The following PCNT variants were observed in gnomAD, a reference collection of about 807,000 sequenced individuals.
PCNT encodes pericentrin, also known as kendrin.
In PCNT, 319 loss-of-function variants were observed where a neutral mutation model predicts 380.4. The observed-to-expected ratio is 0.84, with a 90% confidence interval of 0.77 to 0.92. PCNT has a LOEUF of 0.92. Ranked by LOEUF, PCNT falls within the 40% of genes least tolerant of loss-of-function variation. The pLI, the probability that PCNT is intolerant of heterozygous loss-of-function variation, is 0.00. For missense variants in PCNT, 4,400 were observed against 4,255.3 expected (o/e 1.03, Z -0.95); for synonymous variants, 1,845 against 1,735.2 (o/e 1.06, Z -1.57).
At position 46,324,195 on chromosome 21, in the gene PCNT, CACCGCCGGG is replaced by C; in HGVS notation, c.-33_-25del. The C allele has an allele frequency of 1.3e-6, 2 of 1,593,142 alleles. No homozygotes were observed. The highest frequency in any genetic ancestry group is 1.7e-6 in the Non-Finnish European group (2 of 1,166,636). On this transcript the variant is annotated 5_prime_UTR_variant, in exon 1 of 47. Coordinates refer to ENST00000359568, the MANE Select transcript of PCNT (RefSeq NM_006031.6). ...GAAGGCTGCTCTGTGTCAGCCCCGT[CACCGCCGGG>C]CGGCCCGCGCGGAGTCTGAGGGAGA...
At chr21:46,403,490 G>A (rs2086508265) in intron 27 of PCNT, among the ~76,000 whole-genome samples, 1 of 130,940 alleles carries the variant, frequency 7.6e-6, no homozygotes. Flanking sequence ...AACACAGCGT[G>A]GGAGAATTGT....
At chr21:46,331,739 C>A (rs922477114) in intron 2 of PCNT, among the ~76,000 whole-genome samples, 13 of 151,892 alleles carry the variant, frequency 8.6e-5, no homozygotes, top group African/African-American at 3.1e-4. Flanking sequence ...GCACGCCAGC[C>A]TGGGCGGCAG....
In PCNT at chr21:46,385,190, A is replaced by G. The variant is rs2085788042; in HGVS notation, c.3313-642A>G. Among the ~76,000 whole-genome samples, 4 of 152,038 alleles carry G rather than the reference A, an allele frequency of 2.6e-5. No homozygotes were observed. The South Asian group carries it at 6.2e-4, about 24-fold the overall frequency. ...GGCAACATAGGGAGACCCTGTCTCT[A>G]TAAAAAATTAAAAAAATTAGCCGTG... On this transcript the variant is annotated intron_variant, in intron 16 of 46. Transcript: ENST00000359568.
intron 12 of PCNT, 45 bp downstream of exon 12, chr21:46,355,671 T>C: frequency 6.2e-7 from 1 of 1,602,718 alleles, no homozygotes; most frequent in Non-Finnish European, 8.5e-7. Context: ...GTCCCGGGTC[T>C]GGGGGACGTT....
chr21:46,397,443 G>A lies in PCNT; in HGVS notation c.4395G>A (p.Gln1465=), dbSNP rs112911892. 7.4e-5 allele frequency: 119 copies of A among 1,614,214 alleles called. 1 individual carries two copies. The African/African-American group carries it at 1.1e-3, about 15-fold the overall frequency. Residue 1465 remains glutamine, a synonymous_variant, in exon 22 of 47, where the codon CAG becomes CAA. Transcript: ENST00000359568. ...KQAEAVTALE[Q]QVASLDKHLR... ...CGGAGGCCGTCACTGCCCTGGAACAGCAGGTGGCATCTCTGGACAAGCATT... is the reference window on the plus strand; with the variant it reads ...CGGAGGCCGTCACTGCCCTGGAACAACAGGTGGCATCTCTGGACAAGCATT...
intron 15 of PCNT, among the ~76,000 whole-genome samples, chr21:46,378,517 C>T (rs571326763): frequency 2.0e-5 from 3 of 152,130 alleles, no homozygotes; most frequent in East Asian, 1.9e-4. Flanking sequence ...GTGCTTGCCA[C>T]GTGGATAACG....
intron 15 of PCNT, among the ~76,000 whole-genome samples, chr21:46,378,072 A>C (rs1245728991): frequency 6.6e-6 from 1 of 151,988 alleles, no homozygotes; most frequent in Non-Finnish European, 1.5e-5. Context: ...TGCATATCTT[A>C]TGCCCTTTTT....
intron 24 of PCNT, among the ~76,000 whole-genome samples, chr21:46,398,968 C>T (rs920078497): frequency 1.6e-4 from 24 of 151,676 alleles, no homozygotes; most frequent in Non-Finnish European, 3.1e-4. Context: ...TACAGGTGCC[C>T]GCCACCACAC....
At chr21:46,402,191 C>T (rs1005144584) in intron 26 of PCNT, 140 bp from the exon 27 acceptor site, 16 of 591,676 alleles carry the variant, frequency 2.7e-5, no homozygotes, top group East Asian at 1.6e-4. Context: ...CATTTGTGTG[C>T]GGGTACAGGT....
At chr21:46,440,031 G>T (rs1185333347) in intron 41 of PCNT, 52 bp from the exon 42 acceptor site, 19 of 1,612,206 alleles carry the variant, frequency 1.2e-5, no homozygotes, top group Admixed American at 1.7e-5. Context: ...TCTCTAAGAT[G>T]CTCTTGTTGA....
At chr21:46,326,301 G>T in intron 1 of PCNT, 76 bp from the exon 2 acceptor site, 1 of 1,410,268 alleles carries the variant, frequency 7.1e-7, no homozygotes, top group Non-Finnish European at 9.9e-7. Flanking sequence ...GTCCCCACCA[G>T]TCTGTTGACT....
chr21:46,442,898 C>G, intron 44 of PCNT: 1 of 386,862 alleles, frequency 2.6e-6, no homozygotes. Flanking sequence ...CTTCACGTCT[C>G]TTTCCTTGTA....
intron 12 of PCNT, among the ~76,000 whole-genome samples, 173 bp from the exon 13 acceptor site, chr21:46,356,801 G>C (rs989175527): frequency 2.0e-5 from 3 of 152,252 alleles, no homozygotes; most frequent in Non-Finnish European, 2.9e-5. Context: ...GAAAGGGAGG[G>C]GAGACTTGAG....
rs545183817 is a variant in PCNT at position 46,353,004 on chromosome 21, G to A, written c.1457-100G>A. The A allele has an allele frequency of 1.0e-4, 96 of 958,024 alleles. No homozygotes were observed. The African/African-American group carries it at 1.3e-3, about 13-fold the overall frequency. The allele number at this position is 958,024 out of a possible 1,614,324, so 59.3% of individuals were successfully genotyped here. ...CCGGTTCTGGGATGGGCCCTTTTCCGAGTTCTGCCCCCACCACAGGTAACC... is the reference window on the plus strand; with the variant it reads ...CCGGTTCTGGGATGGGCCCTTTTCCAAGTTCTGCCCCCACCACAGGTAACC... On this transcript the variant is annotated intron_variant, in intron 9 of 46. Coordinates refer to ENST00000359568, the MANE Select transcript of PCNT (RefSeq NM_006031.6).
chr21:46,406,400 TGTAA>T (rs1210129796), intron 27 of PCNT, among the ~76,000 whole-genome samples: 6 of 152,260 alleles, frequency 3.9e-5, no homozygotes, highest in Admixed American at 6.5e-5. Flanking sequence ...TTTGCACTAT[TGTAA>T]GTGAGATTTA....
rs764722334 is a variant in PCNT, at chr21:46,428,442, G to A, written c.7542G>A (p.Arg2514=). ...KSLEHLRLPD[R]SSLLSEIQAL... ...TGGAGCATCTTCGCTTGCCGGACCG[G>A]AGCAGCCTGCTGTCCGAGATCCAGG... The change falls in exon 35 of 47, where the codon CGG becomes CGA. Residue 2514 remains arginine, a synonymous_variant. Transcript: ENST00000359568. 1 of 1,612,578 alleles carries A rather than the reference G, an allele frequency of 6.2e-7. No individual in the cohort carries two copies. The highest frequency in any genetic ancestry group is 1.7e-5 in the Admixed American group (1 of 59,992).
chr21:46,377,531 C>T (rs777095584), intron 15 of PCNT, among the ~76,000 whole-genome samples: 4 of 152,174 alleles, frequency 2.6e-5, no homozygotes, highest in Non-Finnish European at 4.4e-5. Flanking sequence ...TCTGTCATCA[C>T]TTATCTTAGA....
intron 32 of PCNT, among the ~76,000 whole-genome samples, chr21:46,423,273 C>G (rs1383896119): frequency 2.0e-5 from 3 of 151,514 alleles, no homozygotes; most frequent in Non-Finnish European, 4.4e-5. Flanking sequence ...TCACTGCAAC[C>G]TCTGCCTCCT....
intron 15 of PCNT, among the ~76,000 whole-genome samples, chr21:46,379,038 C>T (rs1029427322): frequency 1.3e-5 from 2 of 152,228 alleles, no homozygotes; most frequent in Non-Finnish European, 2.9e-5. Context: ...CCTTATGTTT[C>T]AGCCCGAAGG....
Sources: gnomAD v4.1 joint callset for allele counts (sites outside exome capture counted in the v4.1 genomes callset) on GRCh38, gnomAD v4.1.1 for gene constraint, MANE v1.5 for transcripts, NCBI Gene and HGNC (gene_info 2026-07-23, HGNC 2026-07-21) for gene names.